RGL1: variants seen among roughly 807,000 people sequenced by gnomAD.
The protein encoded by RGL1 is ral guanine nucleotide dissociation stimulator like 1, also known as ral guanine nucleotide dissociation stimulator-like 1.
Under a neutral mutation model 95.2 loss-of-function variants are expected in RGL1, and 24 were observed. That is an observed-to-expected ratio of 0.25 (90% CI 0.18 to 0.35). The LOEUF (loss-of-function observed/expected upper bound fraction) is 0.35, where lower values mean the gene tolerates loss of function less well. RGL1 is among the 10% of genes least tolerant of loss of function. The pLI is 1.00. For synonymous variants in RGL1, 329 were observed against 344.9 expected (o/e 0.95, Z 0.51); for missense variants, 715 against 936.3 (o/e 0.76, Z 3.08).
intron 2 of RGL1, among the ~76,000 whole-genome samples, chr1:183,794,055 GACACACACACAC>G (rs147087444): frequency 3.9e-4 from 57 of 146,024 alleles, no homozygotes; most frequent in Admixed American, 2.4e-3. Context: ...AGAAAATGTG[GACACACACACAC>G]ACACACACAC....
intron 2 of RGL1, among the ~76,000 whole-genome samples, chr1:183,815,566 T>A (rs1188406985): frequency 6.6e-6 from 1 of 152,216 alleles, no homozygotes; most frequent in East Asian, 1.9e-4. Context: ...TTCAGGGGTA[T>A]GTTCAGCAGG....
intron 1 of RGL1, among the ~76,000 whole-genome samples, chr1:183,673,679 A>G (rs549724552): frequency 5.0e-4 from 76 of 152,326 alleles, no homozygotes; most frequent in Middle Eastern, 3.4e-3. Flanking sequence ...TATATTTAAC[A>G]ATTCTCAGTT....
intron 2 of RGL1, among the ~76,000 whole-genome samples, chr1:183,772,510 A>G (rs1467905568): frequency 6.6e-6 from 1 of 152,214 alleles, no homozygotes; most frequent in Non-Finnish European, 1.5e-5. Flanking sequence ...TGGGAAAGTT[A>G]GTAGTTCTTC....
chr1:183,816,386 G>A (rs959103891), intron 2 of RGL1, among the ~76,000 whole-genome samples: 2 of 152,104 alleles, frequency 1.3e-5, no homozygotes, highest in African/African-American at 4.8e-5. Flanking sequence ...TGCACCATCA[G>A]TTTCAAGTCC....
At chr1:183,719,344 T>C (rs1655847040) in intron 1 of RGL1, among the ~76,000 whole-genome samples, 2 of 152,234 alleles carry the variant, frequency 1.3e-5, no homozygotes, top group Admixed American at 6.5e-5. Context: ...TTGTAGTTCA[T>C]TGAAGTCATT....
chr1:183,904,830 T>C lies in RGL1; in HGVS notation c.1351-20T>C, dbSNP rs1476618603. 1 of 1,581,748 alleles carries C rather than the reference T, an allele frequency of 6.3e-7. No homozygotes were observed. The highest frequency in any genetic ancestry group is 8.5e-7 in the Non-Finnish European group (1 of 1,169,858). On this transcript the variant is annotated intron_variant, in intron 12 of 17. Transcript: ENST00000360851. Reference sequence around the variant, plus strand: ...TATTCAGTCTTTTTTTTTTAATTTTTGGTATTCTGTCTGCTTTAGGAATTT... The same window carrying C: ...TATTCAGTCTTTTTTTTTTAATTTTCGGTATTCTGTCTGCTTTAGGAATTT...
chr1:183,876,485 G>T (rs142665744), intron 4 of RGL1, among the ~76,000 whole-genome samples: 2 of 152,228 alleles, frequency 1.3e-5, no homozygotes, highest in Non-Finnish European at 2.9e-5. Flanking sequence ...TTAGGACCGA[G>T]GAGTTTTGTT....
At chr1:183,716,429 G>A (rs1039577936) in intron 1 of RGL1, among the ~76,000 whole-genome samples, 3 of 152,176 alleles carry the variant, frequency 2.0e-5, no homozygotes, top group Non-Finnish European at 4.4e-5. Context: ...GCTAAAAGAG[G>A]CCTCTTCATC....
chr1:183,847,476 A>G (rs1313634759), intron 2 of RGL1, 90 bp from the exon 3 acceptor site: 9 of 1,033,050 alleles, frequency 8.7e-6, no homozygotes, highest in Non-Finnish European at 1.3e-5. Flanking sequence ...GAGGAAACAT[A>G]ACAGGCTATG....
chr1:183,891,733 G>GTTTTTTTGTT (rs1667427527), intron 8 of RGL1, among the ~76,000 whole-genome samples: 1 of 123,946 alleles, frequency 8.1e-6, no homozygotes. Flanking sequence ...GTGTGTAACA[G>GTTTTTTTGTT]TTTTTTTTTT....
At chr1:183,684,885 C>CA (rs1469592379) in intron 1 of RGL1, among the ~76,000 whole-genome samples, 1 of 152,164 alleles carries the variant, frequency 6.6e-6, no homozygotes, top group Non-Finnish European at 1.5e-5. Context: ...AGGACGCCCC[C>CA]ACCCTGCTTC....
At chr1:183,691,103 T>A (rs12034427) in intron 1 of RGL1, among the ~76,000 whole-genome samples, 12,342 of 152,314 alleles carry the variant, frequency 0.081, 924 homozygotes, top group African/African-American at 0.2. Flanking sequence ...CAGCAAACAT[T>A]ATTTTTTAAG....
At chr1:183,688,456 AAGAGAG>A (rs57516940) in intron 1 of RGL1, among the ~76,000 whole-genome samples, 2 of 150,080 alleles carry the variant, frequency 1.3e-5, no homozygotes, top group African/African-American at 4.9e-5. Context: ...GGATCTACTG[AAGAGAG>A]AGAGAGAGAG....
rs1002303618 is a variant in RGL1 at position 183,810,604 on chromosome 1, G to A, written c.138+4119G>A. ...ACCTAGAAACATTAGGTCATAGAAC[G>A]TGGCATTTGGGCAAATTGTGGCCAA... On this transcript the variant is annotated intron_variant, in intron 2 of 17. Transcript: ENST00000360851. Among the ~76,000 whole-genome samples, 8 of 152,194 alleles carry A rather than the reference G, an allele frequency of 5.3e-5. No homozygotes were observed. In the East Asian group the frequency reaches 7.7e-4, roughly 15 times the overall value.
At chr1:183,766,845 G>A (rs1658992841) in intron 2 of RGL1, among the ~76,000 whole-genome samples, 3 of 151,838 alleles carry the variant, frequency 2.0e-5, no homozygotes, top group Admixed American at 2.0e-4. Context: ...GATAGATAGA[G>A]CAAATGATGA....
chr1:183,900,284 GAT>G, intron 11 of RGL1, 48 bp downstream of exon 11: 1 of 1,445,980 alleles, frequency 6.9e-7, no homozygotes, highest in Non-Finnish European at 9.7e-7. Context: ...CTTCCCACTG[GAT>G]ACCCTAAAGA....
chr1:183,741,221 A>G (rs955126329), intron 1 of RGL1, among the ~76,000 whole-genome samples: 33 of 152,212 alleles, frequency 2.2e-4, no homozygotes, highest in African/African-American at 7.5e-4. Flanking sequence ...TTTATTCTTT[A>G]GGAAAAGTTT....
chr1:183,743,780 T>A (rs1198085187), intron 2 of RGL1, among the ~76,000 whole-genome samples: 2 of 152,148 alleles, frequency 1.3e-5, no homozygotes, highest in Non-Finnish European at 2.9e-5. Context: ...TCATAACAAG[T>A]GGAAATATAT....
intron 2 of RGL1, among the ~76,000 whole-genome samples, chr1:183,798,698 T>C (rs953194721): frequency 6.6e-6 from 1 of 151,994 alleles, no homozygotes; most frequent in Admixed American, 6.6e-5. Context: ...CCTTTGACCA[T>C]CACCACCACA....
Sources: gnomAD v4.1 joint callset for allele counts (sites outside exome capture counted in the v4.1 genomes callset) on GRCh38, gnomAD v4.1.1 for gene constraint, MANE v1.5 for transcripts, NCBI Gene and HGNC (gene_info 2026-07-23, HGNC 2026-07-21) for gene names.